Variants in PLCL1 observed in about 807,000 individuals in gnomAD.
PLCL1 encodes the protein inactive phospholipase C-like protein 1.
In PLCL1, 41 loss-of-function variants were observed where a neutral mutation model predicts 84.4. The ratio of observed to expected loss-of-function variants is 0.49; its 90% CI spans 0.38 to 0.63. The LOEUF is 0.63. Ranked by LOEUF, PLCL1 falls within the 30% of genes least tolerant of loss-of-function variation. The pLI is 0.00. For missense variants in PLCL1, 1,206 were observed against 1,367.8 expected, an observed-to-expected ratio of 0.88 and a Z score of 1.87; for synonymous variants, 490 against 488.3, an observed-to-expected ratio of 1.00 and a Z score of -0.05.
chr2:197,969,756 G>T (rs1417931054), intron 1 of PLCL1, among the ~76,000 whole-genome samples: 1 of 152,166 alleles, frequency 6.6e-6, no homozygotes, highest in Admixed American at 6.5e-5. Flanking sequence ...CAGAAGTGAT[G>T]CAAATTATTT....
chr2:197,854,483 C>CA (rs201846788), intron 1 of PLCL1, among the ~76,000 whole-genome samples: 15 of 149,812 alleles, frequency 1.0e-4, no homozygotes, highest in East Asian at 7.8e-4. Context: ...TAGTTTCCAG[C>CA]AAAAAAAAAT....
At chr2:197,989,214 T>C (rs1690285558) in intron 1 of PLCL1, among the ~76,000 whole-genome samples, 1 of 152,230 alleles carries the variant, frequency 6.6e-6, no homozygotes, top group Admixed American at 6.5e-5. Flanking sequence ...TATAGAAGTT[T>C]GCTAGGTGTA....
At chr2:197,959,469 A>G (rs1479092283) in intron 1 of PLCL1, among the ~76,000 whole-genome samples, 2 of 152,038 alleles carry the variant, frequency 1.3e-5, no homozygotes, top group African/African-American at 4.8e-5. Flanking sequence ...CCAAGTTGAC[A>G]CATAAAATTA....
rs185485796 is a variant in PLCL1, at chr2:198,136,981, G to C, written c.3106-9799G>C. 1.3e-5 allele frequency among the ~76,000 whole-genome samples: 2 copies of C among 152,168 alleles called. 1 individual carries two copies. The highest frequency in any genetic ancestry group is 2.9e-5 in the Non-Finnish European group (2 of 68,002). On this transcript the variant is annotated intron_variant, in intron 5 of 5. Transcript: ENST00000428675. ...ACAAAAGTTAGAAATCAAAATATCAGCACAAGGATAGTATTTATGTCTGGG... is the reference window on the plus strand; with the variant it reads ...ACAAAAGTTAGAAATCAAAATATCACCACAAGGATAGTATTTATGTCTGGG...
chr2:197,866,342 TAC>T (rs1452501793), intron 1 of PLCL1, among the ~76,000 whole-genome samples: 1 of 151,620 alleles, frequency 6.6e-6, no homozygotes, highest in African/African-American at 2.4e-5. Context: ...GAAAAAAATC[TAC>T]AGTTTTATTT....
intron 1 of PLCL1, among the ~76,000 whole-genome samples, chr2:197,922,501 C>A (rs1688723106): frequency 8.5e-6 from 1 of 117,666 alleles, no homozygotes; most frequent in South Asian, 2.9e-4. Flanking sequence ...CATTGTCATC[C>A]TGGCCCGTTC....
At position 197,839,672 on chromosome 2, in the gene PLCL1, A is replaced by G. The variant is rs1686951589; in HGVS notation, c.240+34333A>G. ...ATTCTAACAAGCCACCTTAATATTC[A>G]ATTCAAGAATGCAGTCCATGATCAA... On this transcript the variant is annotated intron_variant, in intron 1 of 5. Coordinates refer to ENST00000428675, the MANE Select transcript of PLCL1 (RefSeq NM_006226.4). 2.0e-5 allele frequency among the ~76,000 whole-genome samples: 3 copies of G among 152,330 alleles called. No individual in the cohort carries two copies. The South Asian group carries it at 6.2e-4, about 32-fold the overall frequency.
intron 1 of PLCL1, among the ~76,000 whole-genome samples, chr2:197,950,469 C>A (rs978571987): frequency 6.6e-6 from 1 of 152,008 alleles, no homozygotes; most frequent in Admixed American, 6.6e-5. Context: ...TTTTCAAAGA[C>A]CATATATTGC....
At chr2:197,986,097 A>G (rs2105808735) in intron 1 of PLCL1, among the ~76,000 whole-genome samples, 1 of 152,364 alleles carries the variant, frequency 6.6e-6, no homozygotes, top group South Asian at 2.1e-4. Flanking sequence ...TTATCAGCCT[A>G]CAGCTATGGA....
intron 1 of PLCL1, among the ~76,000 whole-genome samples, chr2:198,074,634 G>T (rs961623784): frequency 1.3e-5 from 2 of 152,026 alleles, no homozygotes; most frequent in Non-Finnish European, 2.9e-5. Context: ...GCGAGACTCC[G>T]TCTCAAAAAC....
At chr2:197,916,817 C>T (rs1688609179) in intron 1 of PLCL1, among the ~76,000 whole-genome samples, 1 of 152,088 alleles carries the variant, frequency 6.6e-6, no homozygotes, top group South Asian at 2.1e-4. Context: ...TGAACAGATA[C>T]CTCACTAAAA....
At chr2:198,094,693 C>G (rs1693147067) in intron 3 of PLCL1, among the ~76,000 whole-genome samples, 2 of 152,248 alleles carry the variant, frequency 1.3e-5, no homozygotes, top group East Asian at 1.9e-4. Context: ...GTAAATTTAG[C>G]AGATCCTGTT....
intron 1 of PLCL1, among the ~76,000 whole-genome samples, chr2:198,076,609 C>G (rs898881630): frequency 6.6e-6 from 1 of 152,142 alleles, no homozygotes; most frequent in Admixed American, 6.6e-5. Context: ...TATGCTTCAG[C>G]TACTTCTCAA....
chr2:197,885,922 A>G (rs1179231173), intron 1 of PLCL1, among the ~76,000 whole-genome samples: 1 of 152,188 alleles, frequency 6.6e-6, no homozygotes, highest in Non-Finnish European at 1.5e-5. Context: ...ATCCATTAGA[A>G]CTAAAACTAT....
intron 5 of PLCL1, among the ~76,000 whole-genome samples, chr2:198,145,627 T>C (rs996876813): frequency 3.3e-5 from 5 of 152,208 alleles, no homozygotes; most frequent in African/African-American, 1.2e-4. Flanking sequence ...AACTATTTAA[T>C]CATCCCATAT....
intron 1 of PLCL1, among the ~76,000 whole-genome samples, chr2:197,865,788 A>G (rs553328964): frequency 6.6e-6 from 1 of 151,598 alleles, no homozygotes; most frequent in African/African-American, 2.4e-5. Flanking sequence ...CAAGGTAGGT[A>G]GATCACTTGA....
intron 1 of PLCL1, among the ~76,000 whole-genome samples, chr2:198,002,509 A>G (rs1311516583): frequency 6.6e-6 from 1 of 152,220 alleles, no homozygotes; most frequent in East Asian, 1.9e-4. Flanking sequence ...ACAAAAATAC[A>G]GCTTGAATCA....
At chr2:197,936,506 T>C (rs1025781515) in intron 1 of PLCL1, among the ~76,000 whole-genome samples, 3 of 152,254 alleles carry the variant, frequency 2.0e-5, no homozygotes, top group African/African-American at 7.2e-5. Flanking sequence ...TGATTAGTGA[T>C]GTTGAACATG....
intron 5 of PLCL1, among the ~76,000 whole-genome samples, chr2:198,111,246 AC>A (rs1475039391): frequency 1.3e-5 from 2 of 152,016 alleles, no homozygotes; most frequent in Non-Finnish European, 2.9e-5. Flanking sequence ...ACTCAGGAAC[AC>A]AGGCTAATGG....
Sources: allele counts gnomAD v4.1 joint callset (sites outside exome capture counted in the v4.1 genomes callset), GRCh38; gene constraint gnomAD v4.1.1; transcripts MANE v1.5; gene names NCBI Gene and HGNC (gene_info 2026-07-23, HGNC 2026-07-21).